MLYCD: variants seen among roughly 807,000 people sequenced by gnomAD.
MLYCD encodes the protein malonyl-CoA decarboxylase, mitochondrial.
MLYCD carries 27 observed loss-of-function variants against 35.8 expected under a neutral mutation model. The ratio of observed to expected loss-of-function variants is 0.75; its 90% CI spans 0.56 to 1.04. The LOEUF is 1.04. MLYCD is among the 50% of genes least tolerant of loss of function. The pLI, the probability that MLYCD is intolerant of heterozygous loss-of-function variation, is 0.00. For missense variants in MLYCD, 917 were observed against 665.1 expected (o/e 1.38, Z -4.17); for synonymous variants, 403 against 302.4 (o/e 1.33, Z -3.45).
chr16:83,916,553 T>C lies in MLYCD; in HGVS notation c.*1064T>C, dbSNP rs1263901122. 1.3e-5 allele frequency: 2 copies of C among 150,754 alleles called. No individual in the cohort carries two copies. Among genetic ancestry groups the C allele is most frequent in the Non-Finnish European group, 2.9e-5 (2 of 67,988 alleles). 9.3% of individuals were successfully genotyped at this position (150,754 alleles called of 1,614,324 possible). Reference sequence around the variant, plus strand: ...ATCTCTGGATCAGTGCACGTCTGTGTGCATGTGCCCGAGCGTCTCTGTGTG... The same window carrying C: ...ATCTCTGGATCAGTGCACGTCTGTGCGCATGTGCCCGAGCGTCTCTGTGTG... On this transcript the variant is annotated 3_prime_UTR_variant, in exon 5 of 5. Transcript: ENST00000262430.
At chr16:83,914,571 C>G (rs1161014253) in intron 4 of MLYCD, 5 of 332,142 alleles carry the variant, frequency 1.5e-5, no homozygotes, top group Admixed American at 8.6e-5. Flanking sequence ...AGACGCCCTG[C>G]CTTGGGGAGT....
rs1386713279 is a variant in MLYCD, at chr16:83,916,179, T to G, written c.*690T>G. On this transcript the variant is annotated 3_prime_UTR_variant, in exon 5 of 5. Transcript: ENST00000262430. ...AGAACACGTTTGTTCTGTAAAGCATTGAACATCTGATTGTGTAGTGGTGGT... is the reference window on the plus strand; with the variant it reads ...AGAACACGTTTGTTCTGTAAAGCATGGAACATCTGATTGTGTAGTGGTGGT... The G allele has an allele frequency of 2.0e-6, 2 of 989,532 alleles. No homozygotes were observed. Among genetic ancestry groups the G allele is most frequent in the African/African-American group, 3.5e-5 (2 of 57,330 alleles). The allele number at this position is 989,532 out of a possible 1,614,324, so 61.3% of individuals were successfully genotyped here. A position where few individuals can be genotyped will look rare whatever the true frequency, so the allele number is the denominator to read the frequency against.
At chr16:83,910,686 A>G (rs113395223) in intron 3 of MLYCD, among the ~76,000 whole-genome samples, 31,909 of 147,518 alleles carry the variant, frequency 0.22, 4,164 homozygotes, top group African/African-American at 0.37. Context: ...GCAAGACTCC[A>G]TCTCAAAAAA....
In MLYCD at chr16:83,919,189, C is replaced by A. The variant is rs1410233207; in HGVS notation, c.*3700C>A. ...AATACACACGGTGCACAGGAGAATT[C>A]ACACACAATGCACAGGAGAACACAG... On this transcript the variant is annotated 3_prime_UTR_variant, in exon 5 of 5. Coordinates refer to ENST00000262430, the MANE Select transcript of MLYCD (RefSeq NM_012213.3). 1.4e-5 allele frequency: 2 copies of A among 141,944 alleles called. No individual in the cohort carries two copies. Among genetic ancestry groups the A allele is most frequent in the African/African-American group, 5.4e-5 (2 of 37,298 alleles). The allele number at this position is 141,944 out of a possible 1,614,324, so 8.8% of individuals were successfully genotyped here.
chr16:83,905,943 A>T (rs1308483695), intron 1 of MLYCD, among the ~76,000 whole-genome samples: 1 of 152,244 alleles, frequency 6.6e-6, no homozygotes, highest in African/African-American at 2.4e-5. Context: ...GTGCAGATGT[A>T]TCTTGGGTGG....
intron 1 of MLYCD, among the ~76,000 whole-genome samples, chr16:83,902,610 A>T (rs1167209300): frequency 6.8e-6 from 1 of 147,916 alleles, no homozygotes; most frequent in East Asian, 2.0e-4. Flanking sequence ...GGTTCAAGCC[A>T]TTCTCCCACC....
Position 83,899,557 on chromosome 16 carries a change from G to C in MLYCD, c.413G>C (p.Arg138Pro). The change falls in exon 1 of 5, where the codon CGC becomes CCC. Residue 138 changes from arginine (R) to proline (P), a missense_variant. Transcript: ENST00000262430. ...RLRYALVPRYRGLFHHISKLD... is the reference protein window; with the variant it reads ...RLRYALVPRYPGLFHHISKLD... ...CGCTACGCGCTGGTGCCGCGCTATCGCGGCCTCTTCCACCACATCAGCAAG... is the reference window on the plus strand; with the variant it reads ...CGCTACGCGCTGGTGCCGCGCTATCCCGGCCTCTTCCACCACATCAGCAAG... The C allele has an allele frequency of 6.3e-7, 1 of 1,592,880 alleles. No individual in the cohort carries two copies. The highest frequency in any genetic ancestry group is 8.5e-7 in the Non-Finnish European group (1 of 1,177,624).
At chr16:83,905,596 C>T (rs894925071) in intron 1 of MLYCD, among the ~76,000 whole-genome samples, 4 of 152,184 alleles carry the variant, frequency 2.6e-5, no homozygotes, top group Non-Finnish European at 5.9e-5. Context: ...GCTCCAATGC[C>T]AGCCATCACA....
At chr16:83,912,076 G>T (rs1907198426) in intron 3 of MLYCD, 142 bp from the exon 4 acceptor site, 2 of 1,230,252 alleles carry the variant, frequency 1.6e-6, no homozygotes, top group Non-Finnish European at 2.4e-6. Flanking sequence ...AGGCTCTGTA[G>T]CCTGAACCCC....
chr16:83,915,656 C>A lies in MLYCD; in HGVS notation c.*167C>A, dbSNP rs1368252966. 6.7e-7 allele frequency: 1 copy of A among 1,503,492 alleles called. No individual in the cohort carries two copies. The highest frequency in any genetic ancestry group is 1.4e-5 in the African/African-American group (1 of 72,300). The allele number at this position is 1,503,492 out of a possible 1,614,324, so 93.1% of individuals were successfully genotyped here. ...GAGGCCAGGCCTCAACTTCCCTCAC[C>A]CTGGGCGTGACATGCACCCAGTGCA... is the stretch of plus-strand genomic sequence containing the variant. On this transcript the variant is annotated 3_prime_UTR_variant, in exon 5 of 5. Transcript: ENST00000262430.
chr16:83,912,492 G>T lies in MLYCD; in HGVS notation c.948+125G>T, dbSNP rs567901546. 9.2e-5 allele frequency: 123 copies of T among 1,331,684 alleles called. 1 individual carries two copies. In the African/African-American group the frequency reaches 1.6e-3, roughly 17 times the overall value. The allele number at this position is 1,331,684 out of a possible 1,614,324, so 82.5% of individuals were successfully genotyped here. A position where few individuals can be genotyped will look rare whatever the true frequency, so the allele number is the denominator to read the frequency against. On this transcript the variant is annotated intron_variant, in intron 4 of 4. Transcript: ENST00000262430. Reference sequence around the variant, plus strand: ...ACAGGAGCTAAAGGGAGGGGCAGGGGGTAGAAAAGGTGCCAGAGACCCCTT... The same window carrying T: ...ACAGGAGCTAAAGGGAGGGGCAGGGTGTAGAAAAGGTGCCAGAGACCCCTT...
At position 83,915,825 on chromosome 16, in the gene MLYCD, A is replaced by G. The variant is rs1357314090; in HGVS notation, c.*336A>G. 9.7e-6 allele frequency: 12 copies of G among 1,236,366 alleles called. No individual in the cohort carries two copies. The highest frequency in any genetic ancestry group is 1.2e-5 in the Non-Finnish European group (12 of 975,892). 76.6% of individuals were successfully genotyped at this position (1,236,366 alleles called of 1,614,324 possible). The stretch of plus-strand genomic sequence containing the variant: ...TTCAGGAAGCTGTGCAGCCTCTGCC[A>G]TTGCCATCCCAGGGGGATCTGGCAT... On this transcript the variant is annotated 3_prime_UTR_variant, in exon 5 of 5. Coordinates refer to ENST00000262430, the MANE Select transcript of MLYCD (RefSeq NM_012213.3).
chr16:83,910,425 G>T (rs758062560), intron 3 of MLYCD, among the ~76,000 whole-genome samples: 2 of 152,122 alleles, frequency 1.3e-5, no homozygotes, highest in African/African-American at 4.8e-5. Flanking sequence ...AGTGACTCGC[G>T]CCCAGAATCC....
chr16:83,922,771 T>A lies in MLYCD; in HGVS notation c.*7282T>A, dbSNP rs981780621. The A allele has an allele frequency of 6.6e-6, 1 of 152,298 alleles. No individual in the cohort carries two copies. The highest frequency in any genetic ancestry group is 2.4e-5 in the African/African-American group (1 of 41,474). 9.4% of individuals were successfully genotyped at this position (152,298 alleles called of 1,614,324 possible). Reference sequence around the variant, plus strand: ...CCTGGGCGCCACCATCCTGCTCACCTGAATGCGGGTTCTGGGATCTTTCAG... The same window carrying A: ...CCTGGGCGCCACCATCCTGCTCACCAGAATGCGGGTTCTGGGATCTTTCAG... On this transcript the variant is annotated 3_prime_UTR_variant, in exon 5 of 5. Coordinates refer to ENST00000262430, the MANE Select transcript of MLYCD (RefSeq NM_012213.3).
In MLYCD at chr16:83,915,593, G is replaced by T; in HGVS notation, c.*104G>T. On this transcript the variant is annotated 3_prime_UTR_variant, in exon 5 of 5. Transcript: ENST00000262430. ...AAGCAGCTTTCCAAGCAAAGCCAAA[G>T]TTGACTGTGTTCTTGTCCCGCAGCC... is the stretch of plus-strand genomic sequence containing the variant. 1 of 1,543,292 alleles carries T rather than the reference G, an allele frequency of 6.5e-7. No individual in the cohort carries two copies.
rs146997179 is a variant in MLYCD at position 83,906,932 on chromosome 16, G to C, written c.529-55G>C. On this transcript the variant is annotated intron_variant, in intron 1 of 4. Transcript: ENST00000262430. ...TTCCTTGTGCTGACCACAACACAGA[G>C]ATGGGCTTGATCTGTCGCACATTGG... 189 of 1,432,652 alleles carry C rather than the reference G, an allele frequency of 1.3e-4. 2 individuals carry two copies. The African/African-American group carries it at 2.3e-3, about 17-fold the overall frequency. The allele number at this position is 1,432,652 out of a possible 1,614,324, so 88.7% of individuals were successfully genotyped here.
rs1415582609 is a variant in MLYCD, at chr16:83,922,824, T to G, written c.*7335T>G. 2 of 152,308 alleles carry G rather than the reference T, an allele frequency of 1.3e-5. No homozygotes were observed. Among genetic ancestry groups the G allele is most frequent in the East Asian group, 1.9e-4 (1 of 5,196 alleles). The allele number at this position is 152,308 out of a possible 1,614,324, so 9.4% of individuals were successfully genotyped here. A position where few individuals can be genotyped will look rare whatever the true frequency, so the allele number is the denominator to read the frequency against. On this transcript the variant is annotated 3_prime_UTR_variant, in exon 5 of 5. Coordinates refer to ENST00000262430, the MANE Select transcript of MLYCD (RefSeq NM_012213.3). ...CTTATTTGGATATTTGAATATTTGTTGGTTTTCTGGCTTCTCACAATTTCT... is the reference window on the plus strand; with the variant it reads ...CTTATTTGGATATTTGAATATTTGTGGGTTTTCTGGCTTCTCACAATTTCT...
In MLYCD at chr16:83,924,969, C is replaced by T. The variant is rs368925666; in HGVS notation, c.*9480C>T. The T allele has an allele frequency of 6.6e-6, 1 of 152,348 alleles. No individual in the cohort carries two copies. The highest frequency in any genetic ancestry group is 2.4e-5 in the African/African-American group (1 of 41,462). The allele number at this position is 152,348 out of a possible 1,614,324, so 9.4% of individuals were successfully genotyped here. ...TCCTCTCGGCTTCCGGGAGTCCCCT[C>T]CTTCTCTAAGGATCTCACCCCCATC... On this transcript the variant is annotated 3_prime_UTR_variant, in exon 5 of 5. Transcript: ENST00000262430.
intron 1 of MLYCD, among the ~76,000 whole-genome samples, chr16:83,906,237 A>G (rs1382651995): frequency 7.0e-6 from 1 of 142,784 alleles, no homozygotes; most frequent in Non-Finnish European, 1.5e-5. Context: ...AAAGACAAAA[A>G]AAAATTATCC....
Sources: gnomAD v4.1 joint callset for allele counts (sites outside exome capture counted in the v4.1 genomes callset) on GRCh38, gnomAD v4.1.1 for gene constraint, MANE v1.5 for transcripts, NCBI Gene and HGNC (gene_info 2026-07-23, HGNC 2026-07-21) for gene names.